KIAA0319: variants seen among roughly 807,000 people sequenced by gnomAD.
KIAA0319 encodes the protein KIAA0319.
A neutral mutation model predicts 108.4 loss-of-function variants in KIAA0319; 83 were observed. That is an observed-to-expected ratio of 0.77 (90% CI 0.64 to 0.92). The LOEUF (loss-of-function observed/expected upper bound fraction) is 0.92. Ranked by LOEUF, KIAA0319 falls within the 40% of genes least tolerant of loss-of-function variation. KIAA0319 has a pLI of 0.00. For missense variants in KIAA0319, 1,195 were observed against 1,322.4 expected, an observed-to-expected ratio of 0.90 and a Z score of 1.49; for synonymous variants, 484 against 510.4, an observed-to-expected ratio of 0.95 and a Z score of 0.70.
intron 2 of KIAA0319, chr6:24,598,892 A>C (rs76950697): frequency 0.064 from 22,549 of 351,492 alleles, 1,902 homozygotes; most frequent in African/African-American, 0.26. Flanking sequence ...AAAAAATAAA[A>C]AGTAAAAAAA....
At chr6:24,560,369 A>G (rs1452340221) in intron 16 of KIAA0319, among the ~76,000 whole-genome samples, 1 of 152,178 alleles carries the variant, frequency 6.6e-6, no homozygotes, top group African/African-American at 2.4e-5. Flanking sequence ...AGCACTTGCT[A>G]TGGTCTGTCT....
In KIAA0319 at chr6:24,601,135, C is replaced by T; in HGVS notation, c.-32G>A. 6.2e-7 allele frequency: 1 copy of T among 1,613,038 alleles called. No homozygotes were observed. Among genetic ancestry groups the T allele is most frequent in the Non-Finnish European group, 8.5e-7 (1 of 1,179,470 alleles). ...CCACACAGTGGGTGATGGCAGGCTT[C>T]TGAGGCGGCCCTGAAGAGAGTTTGG... On this transcript the variant is annotated 5_prime_UTR_variant, in exon 2 of 21. Coordinates refer to ENST00000378214, the MANE Select transcript of KIAA0319 (RefSeq NM_014809.4).
At chr6:24,589,520 C>T (rs1768121817) in intron 3 of KIAA0319, among the ~76,000 whole-genome samples, 1 of 151,194 alleles carries the variant, frequency 6.6e-6, no homozygotes, top group Non-Finnish European at 1.5e-5. Flanking sequence ...GGGACGGTTC[C>T]CCCCATGCTG....
intron 1 of KIAA0319, among the ~76,000 whole-genome samples, chr6:24,626,736 T>C (rs1774774135): frequency 6.6e-6 from 1 of 152,178 alleles, no homozygotes; most frequent in Non-Finnish European, 1.5e-5. Context: ...TAGCAGTGAA[T>C]AAAAAGGTTC....
intron 20 of KIAA0319, among the ~76,000 whole-genome samples, chr6:24,550,471 G>A (rs930428321): frequency 6.6e-6 from 1 of 152,214 alleles, no homozygotes; most frequent in East Asian, 1.9e-4. Context: ...GAGGGCCAGA[G>A]AAGTTTCATT....
chr6:24,634,389 T>C (rs1038719527), intron 1 of KIAA0319, among the ~76,000 whole-genome samples: 7 of 152,210 alleles, frequency 4.6e-5, no homozygotes, highest in African/African-American at 1.4e-4. Flanking sequence ...AGAGAAAAGT[T>C]TGACCCATAA....
In KIAA0319 at chr6:24,642,683, G is replaced by A. The variant is rs79655884; in HGVS notation, c.-106+3053C>T. On this transcript the variant is annotated intron_variant, in intron 1 of 20. Transcript: ENST00000378214. ...ATTATCCTCTTATTCAAGCTACATTGCTTAAATTAAATAGATGCTTACTAT... is the reference window on the plus strand; with the variant it reads ...ATTATCCTCTTATTCAAGCTACATTACTTAAATTAAATAGATGCTTACTAT... Among the ~76,000 whole-genome samples, 1,006 of 151,272 alleles carry A rather than the reference G, an allele frequency of 6.7e-3. 15 individuals carry two copies. Among genetic ancestry groups the A allele is most frequent in the African/African-American group, 0.023 (948 of 41,222 alleles).
chr6:24,595,810 C>T, intron 3 of KIAA0319, 63 bp downstream of exon 3: 1 of 1,505,212 alleles, frequency 6.6e-7, no homozygotes, highest in Non-Finnish European at 8.9e-7. Context: ...TGAAACTCAG[C>T]CCCTCCTACG....
chr6:24,552,524 T>A (rs1370783768), intron 19 of KIAA0319, among the ~76,000 whole-genome samples: 5 of 152,228 alleles, frequency 3.3e-5, no homozygotes, highest in Non-Finnish European at 7.3e-5. Flanking sequence ...CCTGGCTCCC[T>A]TTCACCAGTC....
Position 24,596,482 on chromosome 6 carries a change from C to T in KIAA0319, c.192G>A (p.Leu64=), listed in dbSNP as rs746213622. The change falls in exon 3 of 21, where the codon CTG becomes CTA. Residue 64 remains leucine (L), a synonymous_variant. Coordinates refer to ENST00000378214, the MANE Select transcript of KIAA0319 (RefSeq NM_014809.4). ...VVDCTAACCD[L]SSCDLAWWFE... ...ACCACCAGGCCAGGTCACAGCTGGA[C>T]AGGTCACAGCAAGCGGCCGTGCAGT... 1 of 1,614,154 alleles carries T rather than the reference C, an allele frequency of 6.2e-7. No individual in the cohort carries two copies. The highest frequency in any genetic ancestry group is 8.5e-7 in the Non-Finnish European group (1 of 1,180,034).
intron 1 of KIAA0319, among the ~76,000 whole-genome samples, chr6:24,624,166 A>C (rs1774380378): frequency 6.8e-6 from 1 of 147,792 alleles, no homozygotes; most frequent in Non-Finnish European, 1.5e-5. Context: ...CTGGGACAAC[A>C]GGTGTACACC....
chr6:24,625,122 T>C (rs965807210), intron 1 of KIAA0319, among the ~76,000 whole-genome samples: 3 of 152,056 alleles, frequency 2.0e-5, no homozygotes, highest in South Asian at 4.2e-4. Flanking sequence ...ATAACTTCTG[T>C]TTTTTTTATT....
rs1489856180 is a variant in KIAA0319, at chr6:24,645,839, T to TCACACA, written c.-210_-209insTGTGTG. ...TTCCTCCTCGTCGTCATCGCAGGTC[T>TCACACA]TACACACACACACACACACACACAC... On this transcript the variant is annotated 5_prime_UTR_variant, in exon 1 of 21. It adds an upstream start codon to the 5' untranslated region. Coordinates refer to ENST00000378214, the MANE Select transcript of KIAA0319 (RefSeq NM_014809.4). The TCACACA allele has an allele frequency of 1.0e-5, 1 of 97,064 alleles. No homozygotes were observed. The highest frequency in any genetic ancestry group is 2.3e-5 in the Non-Finnish European group (1 of 42,976). 6.0% of individuals were successfully genotyped at this position (97,064 alleles called of 1,614,324 possible).
intron 1 of KIAA0319, among the ~76,000 whole-genome samples, chr6:24,601,882 A>G (rs775570339): frequency 8.9e-4 from 136 of 152,214 alleles, no homozygotes; most frequent in Admixed American, 2.4e-3. Flanking sequence ...ATTGTAGACA[A>G]GGGACTGGTT....
intron 1 of KIAA0319, among the ~76,000 whole-genome samples, chr6:24,610,264 T>C (rs1289490012): frequency 5.3e-5 from 8 of 152,084 alleles, no homozygotes; most frequent in Non-Finnish European, 8.8e-5. Context: ...ATTTTAAATA[T>C]GAACAAGAAC....
At chr6:24,569,450 G>GT (rs1032520183) in intron 12 of KIAA0319, among the ~76,000 whole-genome samples, 4 of 152,130 alleles carry the variant, frequency 2.6e-5, no homozygotes, top group African/African-American at 4.8e-5. Flanking sequence ...ACAAGCCTCA[G>GT]TTTCTTCAAC....
intron 1 of KIAA0319, among the ~76,000 whole-genome samples, chr6:24,617,712 C>T (rs575381662): frequency 4.5e-4 from 68 of 152,254 alleles, no homozygotes; most frequent in African/African-American, 1.3e-3. Context: ...CTTGGCGGGG[C>T]GTGGTGGCTC....
chr6:24,575,852 A>G (rs1296782526), intron 10 of KIAA0319, among the ~76,000 whole-genome samples: 1 of 152,156 alleles, frequency 6.6e-6, no homozygotes, highest in East Asian at 1.9e-4. Context: ...AAGAATAAGC[A>G]AACAGCTCAC....
At chr6:24,606,590 G>A (rs1771441312) in intron 1 of KIAA0319, among the ~76,000 whole-genome samples, 1 of 152,196 alleles carries the variant, frequency 6.6e-6, no homozygotes, top group African/African-American at 2.4e-5. Context: ...TGAGGCTCAA[G>A]GATAAGATGA....
Sources: gnomAD v4.1 joint callset for allele counts (sites outside exome capture counted in the v4.1 genomes callset) on GRCh38, gnomAD v4.1.1 for gene constraint, MANE v1.5 for transcripts, NCBI Gene and HGNC (gene_info 2026-07-23, HGNC 2026-07-21) for gene names.